DPY19L3: variants seen among roughly 807,000 people sequenced by gnomAD.
DPY19L3 encodes dpy-19 like C-mannosyltransferase 3, also known as protein C-mannosyl-transferase DPY19L3.
A neutral mutation model predicts 92.3 loss-of-function variants in DPY19L3; 51 were observed. The ratio of observed to expected loss-of-function variants is 0.55; its 90% CI spans 0.44 to 0.70. The LOEUF is 0.70. Ranked by LOEUF, DPY19L3 falls within the 30% of genes least tolerant of loss-of-function variation. DPY19L3 has a pLI of 0.00. For missense variants in DPY19L3, 706 were observed against 855.9 expected (o/e 0.82, Z 2.18); for synonymous variants, 309 against 315.2 (o/e 0.98, Z 0.21).
chr19:32,418,190 T>TA (rs1244874538), intron 3 of DPY19L3, among the ~76,000 whole-genome samples: 2 of 152,146 alleles, frequency 1.3e-5, no homozygotes, highest in Admixed American at 6.5e-5. Flanking sequence ...CTCTGAAACT[T>TA]ACAATTGAGC....
At chr19:32,421,558 G>A (rs562037024) in intron 3 of DPY19L3, among the ~76,000 whole-genome samples, 91 of 151,860 alleles carry the variant, frequency 6.0e-4, no homozygotes, top group Non-Finnish European at 1.2e-3. Flanking sequence ...AACCTGGGAG[G>A]AGGAGGTTGC....
chr19:32,480,276 G>A, intron 17 of DPY19L3, 123 bp from the exon 18 acceptor site: 1 of 1,108,842 alleles, frequency 9.0e-7, no homozygotes, highest in Non-Finnish European at 1.3e-6. Flanking sequence ...GCGTGGCCTG[G>A]GCTGGAGAGA....
intron 4 of DPY19L3, among the ~76,000 whole-genome samples, chr19:32,435,370 T>G (rs1194586927): frequency 6.6e-6 from 1 of 152,222 alleles, no homozygotes; most frequent in Non-Finnish European, 1.5e-5. Flanking sequence ...TTGAGGAACA[T>G]CTGGGTTGTT....
rs1028465201 is a variant in DPY19L3 at position 32,408,441 on chromosome 19, G to C, written c.103+85G>C. The C allele has an allele frequency of 6.3e-6, 6 of 948,782 alleles. No homozygotes were observed. The East Asian group carries it at 7.7e-5, about 12-fold the overall frequency. 58.8% of individuals were successfully genotyped at this position (948,782 alleles called of 1,614,324 possible). On this transcript the variant is annotated intron_variant, in intron 2 of 18. Coordinates refer to ENST00000392250, the MANE Select transcript of DPY19L3 (RefSeq NM_001172774.2). Reference sequence around the variant, plus strand: ...TCACTCTCCAATAGGATAAAAATTTGGTGGGACCTAACAATTGAAACTTGT... The same window carrying C: ...TCACTCTCCAATAGGATAAAAATTTCGTGGGACCTAACAATTGAAACTTGT...
chr19:32,436,426 G>T lies in DPY19L3; in HGVS notation c.329-20G>T. The T allele has an allele frequency of 1.4e-6, 2 of 1,443,218 alleles. No individual in the cohort carries two copies. The highest frequency in any genetic ancestry group is 1.9e-6 in the Non-Finnish European group (2 of 1,063,554). 89.4% of individuals were successfully genotyped at this position (1,443,218 alleles called of 1,614,324 possible). A position where few individuals can be genotyped will look rare whatever the true frequency, so the allele number is the denominator to read the frequency against. On this transcript the variant is annotated intron_variant, in intron 4 of 18. Transcript: ENST00000392250. ...TTATGAGTGTAATTATTTTCTTCCT[G>T]ACTTTTCACATATCTATAGGTTTTC...
chr19:32,461,366 C>G (rs1418653210), intron 12 of DPY19L3, among the ~76,000 whole-genome samples: 2 of 152,208 alleles, frequency 1.3e-5, no homozygotes, highest in South Asian at 2.1e-4. Context: ...GTTCTGTGTT[C>G]ATGGAATTAA....
At position 32,482,216 on chromosome 19, in the gene DPY19L3, T is replaced by C. The variant is rs767868191; in HGVS notation, c.2127T>C (p.Val709=). The change falls in exon 19 of 19, where the codon GTT becomes GTC. Residue 709 remains valine, a synonymous_variant. Transcript: ENST00000392250. ...TGTTCCAGAACAAAACCTTCCACGT[T>C]TACAAGCTGTCCAGAAACAAGTAGC... ...TRVFQNKTFH[V]YKLSRNK 6.2e-7 allele frequency: 1 copy of C among 1,613,168 alleles called. No homozygotes were observed.
At chr19:32,471,797 A>G (rs1392708667) in intron 16 of DPY19L3, among the ~76,000 whole-genome samples, 1 of 152,228 alleles carries the variant, frequency 6.6e-6, no homozygotes, top group African/African-American at 2.4e-5. Flanking sequence ...GATATCCTCA[A>G]GGGAAAATAA....
At chr19:32,477,795 G>C in intron 17 of DPY19L3, 141 bp downstream of exon 17, 1 of 1,184,540 alleles carries the variant, frequency 8.4e-7, no homozygotes, top group Non-Finnish European at 1.2e-6. Context: ...TCACGCTACT[G>C]ATAAAGGCAT....
chr19:32,441,494 C>CT lies in DPY19L3; in HGVS notation c.855+1601dup, dbSNP rs11326098. On this transcript the variant is annotated intron_variant, in intron 8 of 18. Coordinates refer to ENST00000392250, the MANE Select transcript of DPY19L3 (RefSeq NM_001172774.2). Reference sequence around the variant, plus strand: ...TTTTTCTGATAATGAACATGTGTCTCTTTTTTTTTTTTTTTTTCTTTGAGA... The same window carrying CT: ...TTTTTCTGATAATGAACATGTGTCTCTTTTTTTTTTTTTTTTTTCTTTGAGA... Among the ~76,000 whole-genome samples the CT allele has an allele frequency of 5.8e-4, 76 of 130,214 alleles. No individual in the cohort carries two copies. In the East Asian group the frequency reaches 9.2e-3, roughly 16 times the overall value. 85.4% of individuals were successfully genotyped at this position (130,214 alleles called of 152,430 possible). A position where few individuals can be genotyped will look rare whatever the true frequency, so the allele number is the denominator to read the frequency against.
At chr19:32,441,968 G>C (rs1168104071) in intron 8 of DPY19L3, among the ~76,000 whole-genome samples, 1 of 152,132 alleles carries the variant, frequency 6.6e-6, no homozygotes, top group Non-Finnish European at 1.5e-5. Context: ...CAGACTTTAA[G>C]GAGGAACATT....
At chr19:32,430,255 G>A (rs1968914566) in intron 3 of DPY19L3, among the ~76,000 whole-genome samples, 1 of 152,018 alleles carries the variant, frequency 6.6e-6, no homozygotes, top group Non-Finnish European at 1.5e-5. Context: ...TGGACATAGT[G>A]GCATGTGCCT....
chr19:32,421,595 T>G (rs1056138957), intron 3 of DPY19L3, among the ~76,000 whole-genome samples: 28 of 142,422 alleles, frequency 2.0e-4, no homozygotes, highest in Admixed American at 1.5e-3. Flanking sequence ...ACCACTGCAC[T>G]CCAGCCTGGG....
In DPY19L3 at chr19:32,439,053, C is replaced by G. The variant is rs1040244171; in HGVS notation, c.597-59C>G. The G allele has an allele frequency of 9.7e-6, 15 of 1,553,312 alleles. No homozygotes were observed. The African/African-American group carries it at 1.6e-4, about 17-fold the overall frequency. ...GTAATATATCTTTCGTTGAGGAAGT[C>G]TTCGAGGAAATTATTGTAAAAACTA... On this transcript the variant is annotated intron_variant, in intron 6 of 18. Coordinates refer to ENST00000392250, the MANE Select transcript of DPY19L3 (RefSeq NM_001172774.2).
chr19:32,418,715 C>G (rs151101517), intron 3 of DPY19L3, among the ~76,000 whole-genome samples: 1 of 152,156 alleles, frequency 6.6e-6, no homozygotes, highest in African/African-American at 2.4e-5. Context: ...GGGGTTATAA[C>G]TTTTTCTCAT....
chr19:32,445,991 A>C (rs1012506378), intron 8 of DPY19L3, among the ~76,000 whole-genome samples: 8 of 151,940 alleles, frequency 5.3e-5, no homozygotes, highest in African/African-American at 1.9e-4. Flanking sequence ...GACGAGTGAA[A>C]CTTCGTCTCA....
At chr19:32,466,672 C>T (rs764403606) in intron 15 of DPY19L3, among the ~76,000 whole-genome samples, 4 of 152,238 alleles carry the variant, frequency 2.6e-5, no homozygotes, top group African/African-American at 9.6e-5. Context: ...CCATCATCTC[C>T]AGGAAATCCT....
chr19:32,471,600 G>A (rs1023098256), intron 16 of DPY19L3, among the ~76,000 whole-genome samples: 64 of 152,242 alleles, frequency 4.2e-4, no homozygotes, highest in African/African-American at 1.4e-3. Context: ...GTCCCGCCCC[G>A]TGTCCTTGCT....
chr19:32,417,270 C>G (rs1968409361), intron 3 of DPY19L3, among the ~76,000 whole-genome samples: 1 of 152,132 alleles, frequency 6.6e-6, no homozygotes. Context: ...TGGGGGCGGG[C>G]CTTTCCTGTG....
Sources: gnomAD v4.1 joint callset for allele counts (sites outside exome capture counted in the v4.1 genomes callset) on GRCh38, gnomAD v4.1.1 for gene constraint, MANE v1.5 for transcripts, NCBI Gene and HGNC (gene_info 2026-07-23, HGNC 2026-07-21) for gene names.